CHRM3: variants seen among roughly 807,000 people sequenced by gnomAD.
CHRM3 encodes the protein muscarinic acetylcholine receptor M3.
CHRM3 carries 11 observed loss-of-function variants against 41.8 expected under a neutral mutation model. That is an observed-to-expected ratio of 0.26 (90% CI 0.17 to 0.44). The LOEUF (loss-of-function observed/expected upper bound fraction) is 0.44. Among genes scored for constraint, CHRM3 ranks in the 20% least tolerant of loss-of-function variants. The pLI, the probability that CHRM3 is intolerant of heterozygous loss-of-function variation, is 1.00. For missense variants in CHRM3, 571 were observed against 745.4 expected (o/e 0.77, Z 2.72); for synonymous variants, 297 against 301.4 (o/e 0.99, Z 0.15).
At chr1:239,819,278 C>T (rs1387321077) in intron 5 of CHRM3, among the ~76,000 whole-genome samples, 2 of 152,142 alleles carry the variant, frequency 1.3e-5, no homozygotes, top group Non-Finnish European at 2.9e-5. Flanking sequence ...CTCTTAGGTC[C>T]CCCTGCAGGA....
intron 5 of CHRM3, among the ~76,000 whole-genome samples, chr1:239,769,751 G>A (rs1188217981): frequency 2.0e-5 from 3 of 152,110 alleles, no homozygotes; most frequent in Non-Finnish European, 2.9e-5. Context: ...CTTGGTGGCA[G>A]GTGCCTGTAG....
At chr1:239,785,868 C>G (rs1668854117) in intron 5 of CHRM3, among the ~76,000 whole-genome samples, 1 of 152,168 alleles carries the variant, frequency 6.6e-6, no homozygotes, top group Middle Eastern at 3.4e-3. Flanking sequence ...TATTTAGGAG[C>G]CTTTCCTAAG....
intron 5 of CHRM3, among the ~76,000 whole-genome samples, chr1:239,690,323 A>G (rs1659590158): frequency 6.6e-6 from 1 of 151,976 alleles, no homozygotes; most frequent in Admixed American, 6.6e-5. Flanking sequence ...AGGTTCAAGC[A>G]ATTCTCCTGC....
Position 239,909,319 on chromosome 1 carries a change from TAAAA to T in CHRM3, c.*97_*100del. On this transcript the variant is annotated 3_prime_UTR_variant, in exon 7 of 7. Transcript: ENST00000676153. ...AGGGCGGGGTGACTTCTGGTGATGA[TAAAA>T]ATGGTTTTATCACCCAGATGTGAAA... 1 of 1,324,798 alleles carries T rather than the reference TAAAA, an allele frequency of 7.5e-7. No individual in the cohort carries two copies. Among genetic ancestry groups the T allele is most frequent in the South Asian group, 1.5e-5 (1 of 67,586 alleles). 82.1% of individuals were successfully genotyped at this position (1,324,798 alleles called of 1,614,324 possible).
At chr1:239,797,738 T>C (rs941757094) in intron 5 of CHRM3, among the ~76,000 whole-genome samples, 10 of 152,330 alleles carry the variant, frequency 6.6e-5, no homozygotes, top group African/African-American at 2.4e-4. Flanking sequence ...TGTCTAATAC[T>C]GTACTCGCCT....
intron 4 of CHRM3, among the ~76,000 whole-genome samples, chr1:239,641,167 G>A (rs1030660701): frequency 3.9e-5 from 6 of 152,104 alleles, no homozygotes; most frequent in Admixed American, 1.3e-4. Context: ...CATTTGCTGA[G>A]GAGTGCTTTA....
intron 5 of CHRM3, among the ~76,000 whole-genome samples, chr1:239,685,296 G>A (rs1008778725): frequency 3.3e-5 from 5 of 152,170 alleles, no homozygotes; most frequent in South Asian, 4.2e-4. Flanking sequence ...TATTCTTCCC[G>A]GGAGTTTTGT....
At chr1:239,392,306 CAA>C (rs1659106867) in intron 1 of CHRM3, among the ~76,000 whole-genome samples, 1 of 152,174 alleles carries the variant, frequency 6.6e-6, no homozygotes, top group African/African-American at 2.4e-5. Flanking sequence ...TTGGCAGGAT[CAA>C]ATCTCAGTTC....
intron 4 of CHRM3, among the ~76,000 whole-genome samples, chr1:239,650,626 G>T (rs1349639084): frequency 6.6e-6 from 1 of 152,148 alleles, no homozygotes; most frequent in East Asian, 1.9e-4. Context: ...CAACAATGTG[G>T]CCCAGGACAA....
In CHRM3 at chr1:239,735,988, C is replaced by G. The variant is rs79182700; in HGVS notation, c.-147+57700C>G. Among the ~76,000 whole-genome samples, 918 of 152,186 alleles carry G rather than the reference C, an allele frequency of 6.0e-3. 10 individuals carry two copies. The highest frequency in any genetic ancestry group is 0.021 in the African/African-American group (874 of 41,538). ...TTAATGACAACTTGATCCCCAACTT[C>G]AATGCCTATCCCCAACCCTCCATAA... On this transcript the variant is annotated intron_variant, in intron 5 of 6. Coordinates refer to ENST00000676153, the MANE Select transcript of CHRM3 (RefSeq NM_001375978.1).
chr1:239,558,690 A>G (rs1660600555), intron 3 of CHRM3, among the ~76,000 whole-genome samples: 1 of 152,184 alleles, frequency 6.6e-6, no homozygotes, highest in Admixed American at 6.5e-5. Context: ...GGGCTGGCCC[A>G]TGTTCTCTTT....
At chr1:239,648,415 G>A (rs1374275096) in intron 4 of CHRM3, among the ~76,000 whole-genome samples, 2 of 152,136 alleles carry the variant, frequency 1.3e-5, no homozygotes, top group Non-Finnish European at 2.9e-5. Flanking sequence ...CATGGTAGAG[G>A]ATGCACTGTT....
chr1:239,805,559 CT>C (rs1481564075), intron 5 of CHRM3, among the ~76,000 whole-genome samples: 1 of 152,016 alleles, frequency 6.6e-6, no homozygotes, highest in Non-Finnish European at 1.5e-5. Context: ...CTCCTTCATG[CT>C]TTTTTAAAGC....
chr1:239,437,292 G>T (rs1239657342), intron 1 of CHRM3, among the ~76,000 whole-genome samples: 3 of 152,012 alleles, frequency 2.0e-5, no homozygotes, highest in African/African-American at 7.2e-5. Context: ...TAAATTTTTT[G>T]TAGAGACAGG....
chr1:239,900,195 A>G lies in CHRM3; in HGVS notation c.-19-7238A>G, dbSNP rs539963278. On this transcript the variant is annotated intron_variant, in intron 6 of 6. Coordinates refer to ENST00000676153, the MANE Select transcript of CHRM3 (RefSeq NM_001375978.1). ...GGAAGGAATATTAAACATAGGAATG[A>G]TACCTTCTACTCAGAAAATCACCGT... 5.3e-5 allele frequency among the ~76,000 whole-genome samples: 8 copies of G among 152,302 alleles called. No homozygotes were observed. The East Asian group carries it at 1.5e-3, about 29-fold the overall frequency.
At chr1:239,777,773 TA>T (rs1370328176) in intron 5 of CHRM3, among the ~76,000 whole-genome samples, 2 of 152,194 alleles carry the variant, frequency 1.3e-5, no homozygotes, top group African/African-American at 4.8e-5. Flanking sequence ...TGAAAAGGTT[TA>T]AAACCTATTC....
intron 4 of CHRM3, among the ~76,000 whole-genome samples, chr1:239,645,534 C>CA (rs2148944371): frequency 6.6e-6 from 1 of 151,856 alleles, no homozygotes; most frequent in South Asian, 2.1e-4. Flanking sequence ...AAATCAGGAA[C>CA]AAAAAATGAA....
chr1:239,796,300 C>T (rs1391007715), intron 5 of CHRM3, among the ~76,000 whole-genome samples: 1 of 151,636 alleles, frequency 6.6e-6, no homozygotes, highest in East Asian at 1.9e-4. Flanking sequence ...AGGGCAGTCA[C>T]AGAGAAAAAA....
chr1:239,537,345 C>T (rs1035028864), intron 2 of CHRM3, among the ~76,000 whole-genome samples: 16 of 152,026 alleles, frequency 1.1e-4, no homozygotes, highest in African/African-American at 9.7e-5. Flanking sequence ...TCTGGGGAAG[C>T]GTCAGGGAGA....
Sources: allele counts gnomAD v4.1 joint callset (sites outside exome capture counted in the v4.1 genomes callset), GRCh38; gene constraint gnomAD v4.1.1; transcripts MANE v1.5; gene names NCBI Gene and HGNC (gene_info 2026-07-23, HGNC 2026-07-21).